SYT13: variants seen among roughly 807,000 people sequenced by gnomAD.
SYT13 encodes the protein synaptotagmin-13.
SYT13 carries 21 observed loss-of-function variants against 38.6 expected under a neutral mutation model. The observed-to-expected ratio is 0.54, with a 90% CI of 0.39 to 0.78. The LOEUF (loss-of-function observed/expected upper bound fraction) is 0.78, where lower values mean the gene tolerates loss of function less well. SYT13 is among the 30% of genes least tolerant of loss of function. The pLI is 0.00. For missense variants in SYT13, 495 were observed against 548.7 expected (o/e 0.90, Z 0.98); for synonymous variants, 241 against 237.6 (o/e 1.01, Z -0.13).
chr11:45,251,386 T>TA (rs10649998), intron 4 of SYT13, among the ~76,000 whole-genome samples: 5,878 of 75,310 alleles, frequency 0.078, 709 homozygotes, highest in African/African-American at 0.24. Context: ...AGACTCTGTC[T>TA]AAAAAAAAAA....
At chr11:45,267,234 GC>G (rs904918421) in intron 1 of SYT13, among the ~76,000 whole-genome samples, 2 of 152,116 alleles carry the variant, frequency 1.3e-5, no homozygotes, top group Non-Finnish European at 2.9e-5. Context: ...GAACCACCAG[GC>G]CCTGCTGCCT....
chr11:45,272,750 T>C (rs1267010202), intron 1 of SYT13, among the ~76,000 whole-genome samples: 1 of 152,208 alleles, frequency 6.6e-6, no homozygotes, highest in Non-Finnish European at 1.5e-5. Context: ...CTCCAGGCTT[T>C]TTGAAATGAG....
chr11:45,256,866 A>G (rs1854754094), intron 1 of SYT13, among the ~76,000 whole-genome samples: 1 of 152,218 alleles, frequency 6.6e-6, no homozygotes, highest in Admixed American at 6.5e-5. Context: ...TAGGAGAGAC[A>G]TGTATGACTT....
Position 45,243,791 on chromosome 11 carries a change from G to A in SYT13, c.*261C>T, listed in dbSNP as rs182588623. ...CTGGCCTAACCCCACCTATAAAACA[G>A]GCATAGGAACTGTATTTAATAAGCA... On this transcript the variant is annotated 3_prime_UTR_variant, in exon 6 of 6. Transcript: ENST00000020926. 267 of 430,150 alleles carry A rather than the reference G, an allele frequency of 6.2e-4. 1 individual carries two copies. The highest frequency in any genetic ancestry group is 4.8e-3 in the African/African-American group (240 of 50,130). 26.6% of individuals were successfully genotyped at this position (430,150 alleles called of 1,614,324 possible).
At chr11:45,253,599 T>G (rs1854704936) in intron 3 of SYT13, among the ~76,000 whole-genome samples, 1 of 152,212 alleles carries the variant, frequency 6.6e-6, no homozygotes, top group East Asian at 1.9e-4. Flanking sequence ...TAGCTTTAGT[T>G]GCTGACCTTA....
At chr11:45,274,181 TAGTCTCAA>T (rs1854983039) in intron 1 of SYT13, among the ~76,000 whole-genome samples, 1 of 152,140 alleles carries the variant, frequency 6.6e-6, no homozygotes. Flanking sequence ...TTCTTTCGAG[TAGTCTCAA>T]AGATTGTTAC....
intron 1 of SYT13, chr11:45,269,614 AT>A: frequency 2.0e-6 from 1 of 494,114 alleles, no homozygotes; most frequent in Middle Eastern, 4.9e-4. Flanking sequence ...CAAATAAAAA[AT>A]AACCTAATTA....
At chr11:45,246,045 G>A (rs146304394) in intron 5 of SYT13, among the ~76,000 whole-genome samples, 17 of 152,292 alleles carry the variant, frequency 1.1e-4, no homozygotes, top group Middle Eastern at 3.4e-3. Flanking sequence ...TTCACTCCAC[G>A]GCTATAGTCT....
chr11:45,264,710 T>C (rs752266141), intron 1 of SYT13, among the ~76,000 whole-genome samples: 7 of 152,196 alleles, frequency 4.6e-5, no homozygotes, highest in Non-Finnish European at 1.0e-4. Flanking sequence ...CCATTGTGTT[T>C]TGGGGTAGTT....
intron 1 of SYT13, among the ~76,000 whole-genome samples, chr11:45,264,910 C>A (rs1388701067): frequency 1.3e-5 from 2 of 152,146 alleles, no homozygotes; most frequent in African/African-American, 4.8e-5. Flanking sequence ...AAATGGCAAG[C>A]CACGTTGGAA....
chr11:45,247,450 G>T (rs1854626606), intron 4 of SYT13, among the ~76,000 whole-genome samples: 1 of 152,328 alleles, frequency 6.6e-6, no homozygotes, highest in East Asian at 1.9e-4. Context: ...GGGAGTGGGG[G>T]AAGGCCCCAT....
At chr11:45,265,043 T>A (rs1282200146) in intron 1 of SYT13, among the ~76,000 whole-genome samples, 1 of 152,256 alleles carries the variant, frequency 6.6e-6, no homozygotes. Flanking sequence ...TAGACATGGC[T>A]ACTGAGAGCA....
At chr11:45,269,850 A>G (rs1854927920) in intron 1 of SYT13, among the ~76,000 whole-genome samples, 1 of 152,232 alleles carries the variant, frequency 6.6e-6, no homozygotes, top group Admixed American at 6.5e-5. Flanking sequence ...CTTTTCTGGC[A>G]GGTGTCACAT....
chr11:45,276,676 A>G (rs1210156246), intron 1 of SYT13, among the ~76,000 whole-genome samples: 1 of 151,920 alleles, frequency 6.6e-6, no homozygotes, highest in Non-Finnish European at 1.5e-5. Flanking sequence ...AAATACCGCA[A>G]AGAGATACTA....
chr11:45,268,377 G>C (rs752918513), intron 1 of SYT13, among the ~76,000 whole-genome samples: 1 of 149,444 alleles, frequency 6.7e-6, no homozygotes. Context: ...ATGGTAATGA[G>C]GTCGGTTGAG....
rs1228453905 is a variant in SYT13 at position 45,252,378 on chromosome 11, T to C, written c.846+43A>G. Reference sequence around the variant, plus strand: ...GACACCAGGTTCTGCCATCCCATGCTGCACGGGCAGGTTTTACCTTTCTAA... The same window carrying C: ...GACACCAGGTTCTGCCATCCCATGCCGCACGGGCAGGTTTTACCTTTCTAA... On this transcript the variant is annotated intron_variant, in intron 4 of 5. Transcript: ENST00000020926. This position sits in a 1 kb window ranked among gnomAD's most constrained non-coding sequence, Gnocchi z 4.3. The C allele has an allele frequency of 6.6e-7, 1 of 1,516,764 alleles. No homozygotes were observed. Among genetic ancestry groups the C allele is most frequent in the South Asian group, 1.3e-5 (1 of 79,536 alleles). The allele number at this position is 1,516,764 out of a possible 1,614,324, so 94.0% of individuals were successfully genotyped here. A position where few individuals can be genotyped will look rare whatever the true frequency, so the allele number is the denominator to read the frequency against.
At position 45,246,313 on chromosome 11, in the gene SYT13, G is replaced by A; in HGVS notation, c.976+70C>T. On this transcript the variant is annotated intron_variant, in intron 5 of 5. Transcript: ENST00000020926. ...CTTACCTGTGACCATTTCCTCCCAG[G>A]CACCACCTCCCTCAGCACACACTCC... 1.9e-6 allele frequency: 3 copies of A among 1,576,124 alleles called. 1 individual carries two copies. The South Asian group carries it at 3.5e-5, about 18-fold the overall frequency.
chr11:45,267,193 C>T lies in SYT13; in HGVS notation c.184-11302G>A, dbSNP rs184899283. On this transcript the variant is annotated intron_variant, in intron 1 of 5. Transcript: ENST00000020926. ...GGGGGCGGTAGAGGGTGCATTCAGA[C>T]CCAGGCTGACTCGCCCCAGAATCCC... is the stretch of plus-strand genomic sequence containing the variant. 3.7e-4 allele frequency among the ~76,000 whole-genome samples: 56 copies of T among 152,352 alleles called. No homozygotes were observed. The Middle Eastern group carries it at 0.014, about 37-fold the overall frequency.
intron 1 of SYT13, among the ~76,000 whole-genome samples, chr11:45,258,164 A>G (rs1854771244): frequency 6.6e-6 from 1 of 152,198 alleles, no homozygotes; most frequent in Non-Finnish European, 1.5e-5. Flanking sequence ...GCCTGGCCCA[A>G]AGCCCACTGC....
Sources: gnomAD v4.1 joint callset for allele counts (sites outside exome capture counted in the v4.1 genomes callset) on GRCh38, gnomAD v4.1.1 for gene constraint, Gnocchi (gnomAD v3.1) non-coding constraint, MANE v1.5 for transcripts, NCBI Gene and HGNC (gene_info 2026-07-23, HGNC 2026-07-21) for gene names.